AGBL1: variants seen among roughly 807,000 people sequenced by gnomAD.
AGBL1 encodes the protein AGBL carboxypeptidase 1, also known as cytosolic carboxypeptidase 4.
A neutral mutation model predicts 118.9 loss-of-function variants in AGBL1; 130 were observed. The observed-to-expected ratio is 1.09, with a 90% CI of 0.95 to 1.26. The LOEUF (loss-of-function observed/expected upper bound fraction) is 1.26, where lower values mean the gene tolerates loss of function less well. Among genes scored for constraint, AGBL1 ranks in the 50% most tolerant of loss-of-function variants. AGBL1 has a pLI of 0.00. For missense variants in AGBL1, 1,584 were observed against 1,298.1 expected (o/e 1.22, Z -3.38); for synonymous variants, 555 against 478.9 (o/e 1.16, Z -2.08).
chr15:86,258,433 A>AT (rs1436560134), intron 9 of AGBL1, among the ~76,000 whole-genome samples: 1 of 152,150 alleles, frequency 6.6e-6, no homozygotes, highest in Non-Finnish European at 1.5e-5. Flanking sequence ...GGGGTGCTGC[A>AT]TTGTACAATT....
chr15:86,382,203 T>G (rs1308563540), intron 17 of AGBL1, among the ~76,000 whole-genome samples: 2 of 152,136 alleles, frequency 1.3e-5, no homozygotes, highest in African/African-American at 4.8e-5. Flanking sequence ...TGACACATCT[T>G]TAAGCCATTG....
At chr15:86,857,645 A>T (rs929687809) in intron 22 of AGBL1, among the ~76,000 whole-genome samples, 19 of 152,164 alleles carry the variant, frequency 1.2e-4, no homozygotes, top group African/African-American at 4.6e-4. Flanking sequence ...CACAGAGAGT[A>T]GTCATTTGCT....
At chr15:86,582,088 G>T (rs746713320) in intron 21 of AGBL1, among the ~76,000 whole-genome samples, 4 of 152,092 alleles carry the variant, frequency 2.6e-5, no homozygotes, top group Non-Finnish European at 5.9e-5. Context: ...TTACCCACTA[G>T]ATGCAGGTAA....
At chr15:86,766,518 C>T (rs1286826805) in intron 22 of AGBL1, among the ~76,000 whole-genome samples, 1 of 151,704 alleles carries the variant, frequency 6.6e-6, no homozygotes, top group African/African-American at 2.4e-5. Flanking sequence ...TCATCCTAGG[C>T]CCATCAATTA....
At chr15:86,130,759 G>C (rs1450432426) in intron 1 of AGBL1, among the ~76,000 whole-genome samples, 1 of 152,122 alleles carries the variant, frequency 6.6e-6, no homozygotes, top group African/African-American at 2.4e-5. Flanking sequence ...TTGCATTCTA[G>C]TCACTATTGC....
rs2076997423 is a variant in AGBL1 at position 86,143,834 on chromosome 15, T to C, written c.251T>C (p.Val84Ala). ...LLPLFRLLAKVGLRDKKIGRK... is the reference protein window; with the variant it reads ...LLPLFRLLAKAGLRDKKIGRK... ...CCTCTCTTCCGGCTGCTGGCCAAAG[T>C]TGGCCTAAGAGGTACTCGTACTCCA... The change falls in exon 3 of 23, where the codon GTT (valine) becomes GCT (alanine). Residue 84 changes from valine (V) to alanine (A), a missense_variant. Val to Ala is a moderately conservative substitution (Grantham distance 64). Coordinates refer to ENST00000614907, the MANE Select transcript of AGBL1 (RefSeq NM_001386094.1). The C allele has an allele frequency of 1.2e-6, 2 of 1,613,746 alleles. No individual in the cohort carries two copies. The highest frequency in any genetic ancestry group is 1.7e-6 in the Non-Finnish European group (2 of 1,179,742).
chr15:86,468,472 C>T (rs1220771384), intron 18 of AGBL1, among the ~76,000 whole-genome samples: 1 of 152,156 alleles, frequency 6.6e-6, no homozygotes, highest in African/African-American at 2.4e-5. Context: ...TTGATTCAGG[C>T]TAATTCCAGG....
chr15:86,270,741 A>G (rs1419567597), intron 14 of AGBL1, among the ~76,000 whole-genome samples: 2 of 152,188 alleles, frequency 1.3e-5, no homozygotes, highest in African/African-American at 4.8e-5. Context: ...GAACCTTGAC[A>G]TTTATATTCA....
At chr15:86,413,721 T>C (rs146866359) in intron 18 of AGBL1, among the ~76,000 whole-genome samples, 309 of 152,280 alleles carry the variant, frequency 2.0e-3, no homozygotes, top group African/African-American at 6.7e-3. Flanking sequence ...AATGGGGTTA[T>C]TTATTTATTT....
chr15:86,801,873 C>G (rs2078654867), intron 22 of AGBL1, among the ~76,000 whole-genome samples: 1 of 152,012 alleles, frequency 6.6e-6, no homozygotes, highest in South Asian at 2.1e-4. Flanking sequence ...GCAGAGGAAC[C>G]TGGAGCTCTC....
intron 18 of AGBL1, among the ~76,000 whole-genome samples, chr15:86,451,778 T>G (rs1287985400): frequency 6.6e-6 from 1 of 152,106 alleles, no homozygotes; most frequent in Non-Finnish European, 1.5e-5. Flanking sequence ...TGTGCTTTCC[T>G]ATCTCCTGCT....
At chr15:86,340,076 T>C (rs1183478798) in intron 17 of AGBL1, among the ~76,000 whole-genome samples, 1 of 152,212 alleles carries the variant, frequency 6.6e-6, no homozygotes, top group Non-Finnish European at 1.5e-5. Context: ...CTGCTTAAAA[T>C]CTTTGTCAGC....
chr15:86,338,206 A>G (rs1054374044), intron 17 of AGBL1, among the ~76,000 whole-genome samples: 1 of 152,086 alleles, frequency 6.6e-6, no homozygotes, highest in South Asian at 2.1e-4. Context: ...GACTTGGAGA[A>G]CTCTTCTTGG....
rs1555481505 is a variant in AGBL1, at chr15:86,410,839, T to TAA, written c.2555+13294_2555+13295insAA. ...ATATATATATATATATATATATATA[T>TAA]ATAATATACTATTTTATATATAAAA... On this transcript the variant is annotated intron_variant, in intron 18 of 22. Coordinates refer to ENST00000614907, the MANE Select transcript of AGBL1 (RefSeq NM_001386094.1). Among the ~76,000 whole-genome samples the TAA allele has an allele frequency of 3.4e-4, 23 of 68,158 alleles. 1 individual carries two copies. The highest frequency in any genetic ancestry group is 8.7e-4 in the South Asian group (2 of 2,290). The allele number at this position is 68,158 out of a possible 152,430, so 44.7% of individuals were successfully genotyped here. A position where few individuals can be genotyped will look rare whatever the true frequency, so the allele number is the denominator to read the frequency against.
At chr15:86,480,150 G>A (rs965437323) in intron 18 of AGBL1, among the ~76,000 whole-genome samples, 1 of 152,152 alleles carries the variant, frequency 6.6e-6, no homozygotes, top group Non-Finnish European at 1.5e-5. Flanking sequence ...ACAAGTTAAT[G>A]TGTGTAGCAC....
chr15:86,633,799 GTA>G (rs201666226), intron 21 of AGBL1, among the ~76,000 whole-genome samples: 12 of 86,828 alleles, frequency 1.4e-4, no homozygotes, highest in South Asian at 3.1e-4. Context: ...TATATATAAT[GTA>G]TATATATATA....
chr15:86,710,357 A>G (rs1393494733), intron 22 of AGBL1, among the ~76,000 whole-genome samples: 3 of 152,204 alleles, frequency 2.0e-5, no homozygotes, highest in Admixed American at 6.6e-5. Flanking sequence ...GAATCAAGAG[A>G]TATAAATGAT....
At position 86,946,858 on chromosome 15, in the gene AGBL1, AAAAC is replaced by A. The variant is rs1348881792; in HGVS notation, c.3222-41125_3222-41122del. Among the ~76,000 whole-genome samples the A allele has an allele frequency of 3.2e-3, 483 of 150,936 alleles. 2 individuals carry two copies. The highest frequency in any genetic ancestry group is 5.2e-3 in the Non-Finnish European group (354 of 67,752). ...AAACTCGGTCCAAAAAAAAAAAAAA[AAAAC>A]AAAATAGAAAAGAAAGAAAAAGAAA... On this transcript the variant is annotated intron_variant, in intron 23 of 24. Transcript: ENST00000441037.
chr15:86,131,526 C>G (rs1017943006), intron 1 of AGBL1, among the ~76,000 whole-genome samples: 3 of 152,058 alleles, frequency 2.0e-5, no homozygotes, highest in Non-Finnish European at 2.9e-5. Context: ...AATTATTCAA[C>G]TTCTCTTGGC....
Sources: gnomAD v4.1 joint callset for allele counts (sites outside exome capture counted in the v4.1 genomes callset) on GRCh38, gnomAD v4.1.1 for gene constraint, MANE v1.5 for transcripts, NCBI Gene and HGNC (gene_info 2026-07-23, HGNC 2026-07-21) for gene names.